PIEZO1: variants seen among roughly 807,000 people sequenced by gnomAD.
PIEZO1 encodes piezo type mechanosensitive ion channel component 1 (Er blood group).
In PIEZO1, 296 loss-of-function variants were observed where a neutral mutation model predicts 297.2. The observed-to-expected ratio is 1.00, with a 90% CI of 0.91 to 1.10. The LOEUF (loss-of-function observed/expected upper bound fraction) is 1.10. Among genes scored for constraint, PIEZO1 ranks in the 50% least tolerant of loss-of-function variants. PIEZO1 has a pLI of 0.00. For synonymous variants in PIEZO1, 2,427 were observed against 1,507.5 expected, an observed-to-expected ratio of 1.61 and a Z score of -14.13; for missense variants, 5,018 against 3,455.5, an observed-to-expected ratio of 1.45 and a Z score of -11.34.
chr16:88,733,558 A>T (rs1905015018), intron 18 of PIEZO1, 30 bp downstream of exon 18: 1 of 1,528,588 alleles, frequency 6.5e-7, no homozygotes, highest in Admixed American at 2.0e-5. Flanking sequence ...CCCACCCCAG[A>T]TGGGAAGCTG....
chr16:88,723,139 C>T lies in PIEZO1; in HGVS notation c.4451G>A (p.Ser1484Asn). 2 of 1,549,158 alleles carry T rather than the reference C, an allele frequency of 1.3e-6. No individual in the cohort carries two copies. Among genetic ancestry groups the T allele is most frequent in the Non-Finnish European group, 8.7e-7 (1 of 1,146,818 alleles). Residue 1484 changes from serine (S) to asparagine (N), a missense_variant, in exon 33 of 51, where the codon AGC becomes AAC. Physicochemically the swap from Ser to Asn is conservative, Grantham distance 46 (BLOSUM62 1). Transcript: ENST00000301015. Reference sequence around the variant, plus strand: ...GCCCTCTGCTGGCTCCACCTCCTGGCTGGGACCACCTCCTGGGCACAGGAT... The same window carrying T: ...GCCCTCTGCTGGCTCCACCTCCTGGTTGGGACCACCTCCTGGGCACAGGAT... ...AGQLPTGGGP[S>N]QEVEPAEGPE...
At chr16:88,767,422 A>T (rs1428660541) in intron 1 of PIEZO1, among the ~76,000 whole-genome samples, 1 of 152,086 alleles carries the variant, frequency 6.6e-6, no homozygotes, top group Non-Finnish European at 1.5e-5. Context: ...GACCAGAATG[A>T]CTGAGGCAGG....
In PIEZO1 at chr16:88,721,174, G is replaced by A. The variant is rs1912410847; in HGVS notation, c.5660C>T (p.Ala1887Val). The A allele has an allele frequency of 4.0e-6, 6 of 1,507,114 alleles. No homozygotes were observed. The highest frequency in any genetic ancestry group is 5.3e-6 in the Non-Finnish European group (6 of 1,128,846). 93.4% of individuals were successfully genotyped at this position (1,507,114 alleles called of 1,614,324 possible). The change falls in exon 39 of 51, where the codon GCA becomes GTA. Residue 1887 changes from alanine to valine, a missense_variant. Ala to Val is a moderately conservative substitution (Grantham distance 64). Coordinates refer to ENST00000301015, the MANE Select transcript of PIEZO1 (RefSeq NM_001142864.4). The stretch of plus-strand genomic sequence containing the variant: ...AGGCAGGGCGCTTATACCGATGGCT[G>A]CCGCTCCTTTCCGTGCTGGGCCCTC... ...KKEGPARKGA[A>V]AIEAEDREEE...
chr16:88,775,462 C>A (rs1907613954), intron 1 of PIEZO1, among the ~76,000 whole-genome samples: 1 of 152,222 alleles, frequency 6.6e-6, no homozygotes, highest in South Asian at 2.1e-4. Flanking sequence ...GGCGCAGTGG[C>A]TCACGCCTGT....
intron 8 of PIEZO1, 53 bp downstream of exon 8, chr16:88,737,881 A>C: frequency 3.9e-6 from 6 of 1,529,316 alleles, no homozygotes; most frequent in Non-Finnish European, 5.3e-6. Flanking sequence ...AGGTCCTGAG[A>C]CCAGCCCCAT....
In PIEZO1 at chr16:88,736,620, A is replaced by G. The variant is rs1905235752; in HGVS notation, c.1296+19T>C. 1 of 1,503,922 alleles carries G rather than the reference A, an allele frequency of 6.6e-7. No individual in the cohort carries two copies. Among genetic ancestry groups the G allele is most frequent in the East Asian group, 2.5e-5 (1 of 39,626 alleles). The allele number at this position is 1,503,922 out of a possible 1,614,324, so 93.2% of individuals were successfully genotyped here. A position where few individuals can be genotyped will look rare whatever the true frequency, so the allele number is the denominator to read the frequency against. On this transcript the variant is annotated intron_variant, in intron 11 of 50. Transcript: ENST00000301015. ...CGCGGCAGAGGGGGCCGCCCACCCC[A>G]ACCCCCACAGCCGCCTACCATCATG...
chr16:88,715,955 G>T lies in PIEZO1; in HGVS notation c.7294C>A (p.Leu2432Ile), dbSNP rs1296306381. ...IFSDKVSPPSLGFLAGYGIMG... is the reference protein window; with the variant it reads ...IFSDKVSPPSIGFLAGYGIMG... ...CACCCGTAGCCAGCCAGGAAGCCGA[G>T]GCTCGGTGGGCTGACCTTGTCACTG... The change falls in exon 50 of 51, where the codon CTC becomes ATC. Residue 2432 changes from leucine to isoleucine, a missense_variant. Leu to Ile is a conservative substitution (Grantham distance 5). Coordinates refer to ENST00000301015, the MANE Select transcript of PIEZO1 (RefSeq NM_001142864.4). 6.5e-7 allele frequency: 1 copy of T among 1,549,628 alleles called. No individual in the cohort carries two copies. Among genetic ancestry groups the T allele is most frequent in the Non-Finnish European group, 8.7e-7 (1 of 1,146,552 alleles).
intron 18 of PIEZO1, 40 bp downstream of exon 18, chr16:88,733,548 C>A: frequency 6.5e-7 from 1 of 1,528,128 alleles, no homozygotes; most frequent in South Asian, 1.2e-5. Context: ...CCAGAGCGAC[C>A]CCACCCCAGA....
chr16:88,776,989 T>G (rs1461914323), intron 1 of PIEZO1, among the ~76,000 whole-genome samples: 2 of 152,210 alleles, frequency 1.3e-5, no homozygotes, highest in South Asian at 4.1e-4. Context: ...TCTTCTTTTT[T>G]GAGATGGAGT....
At chr16:88,741,660 G>A in intron 4 of PIEZO1, 44 bp from the exon 5 acceptor site, 3 of 1,520,948 alleles carry the variant, frequency 2.0e-6, no homozygotes, top group East Asian at 2.5e-5. Context: ...AAGAGGACAG[G>A]TGTGGGTGTG....
chr16:88,738,558 C>T lies in PIEZO1; in HGVS notation c.634+10G>A, dbSNP rs577211308. Reference sequence around the variant, plus strand: ...GTGTGACTGCCAGTGCCCCCTGCCTCGGTGCGTACCTGCCAGTGCAAGCAG... The same window carrying T: ...GTGTGACTGCCAGTGCCCCCTGCCTTGGTGCGTACCTGCCAGTGCAAGCAG... On this transcript the variant is annotated intron_variant, in intron 6 of 50. Transcript: ENST00000301015. 3.9e-5 allele frequency: 59 copies of T among 1,532,092 alleles called. 1 individual carries two copies. Among genetic ancestry groups the T allele is most frequent in the South Asian group, 9.5e-5 (8 of 83,894 alleles). The allele number at this position is 1,532,092 out of a possible 1,614,324, so 94.9% of individuals were successfully genotyped here.
intron 1 of PIEZO1, among the ~76,000 whole-genome samples, chr16:88,769,361 C>T (rs528874965): frequency 4.1e-4 from 63 of 152,236 alleles, no homozygotes; most frequent in Non-Finnish European, 9.0e-4. Context: ...AGCATACTTT[C>T]AATAATTCTG....
intron 9 of PIEZO1, 32 bp downstream of exon 9, chr16:88,737,696 A>C (rs911568960): frequency 6.5e-7 from 1 of 1,533,630 alleles, no homozygotes; most frequent in Non-Finnish European, 8.7e-7. Flanking sequence ...GGCGCCCCCC[A>C]CGCTGGCGTC....
Position 88,735,047 on chromosome 16 carries a change from G to C in PIEZO1, c.1676C>G (p.Thr559Arg), listed in dbSNP as rs1444487780. Residue 559 changes from threonine to arginine, a missense_variant, in exon 14 of 51, where the codon ACG becomes AGG. Thr to Arg is a moderately conservative substitution (Grantham distance 71). Coordinates refer to ENST00000301015, the MANE Select transcript of PIEZO1 (RefSeq NM_001142864.4). ...GCTCTGCAACAGCGTCTGCGTCCGC[G>C]TGGGCTCTGTGGGCCAAGCCAGGGG... ...TEVTVADTEP[T>R]RTQTLLQSLG... 3.2e-5 allele frequency: 50 copies of C among 1,550,202 alleles called. No homozygotes were observed. Among genetic ancestry groups the C allele is most frequent in the Non-Finnish European group, 4.2e-5 (48 of 1,146,914 alleles).
chr16:88,759,673 A>G lies in PIEZO1; in HGVS notation c.65-10194T>C, dbSNP rs559676137. Among the ~76,000 whole-genome samples the G allele has an allele frequency of 8.5e-5, 13 of 152,334 alleles. No homozygotes were observed. In the South Asian group the frequency reaches 2.7e-3, roughly 32 times the overall value. The stretch of plus-strand genomic sequence containing the variant: ...CAGGCAGAGCACAAAAAGCAAACCC[A>G]GACCCAGAGGGGCCATGAGGGCTCA... On this transcript the variant is annotated intron_variant, in intron 1 of 50. Coordinates refer to ENST00000301015, the MANE Select transcript of PIEZO1 (RefSeq NM_001142864.4).
At position 88,741,993 on chromosome 16, in the gene PIEZO1, C is replaced by G. The variant is rs369019520; in HGVS notation, c.326+60G>C. 5 of 1,510,466 alleles carry G rather than the reference C, an allele frequency of 3.3e-6. No homozygotes were observed. In the African/African-American group the frequency reaches 6.9e-5, roughly 21 times the overall value. 93.6% of individuals were successfully genotyped at this position (1,510,466 alleles called of 1,614,324 possible). A position where few individuals can be genotyped will look rare whatever the true frequency, so the allele number is the denominator to read the frequency against. On this transcript the variant is annotated intron_variant, in intron 4 of 50. Coordinates refer to ENST00000301015, the MANE Select transcript of PIEZO1 (RefSeq NM_001142864.4). ...CTGTCCCTCCTGGGTCCCCCCACTT[C>G]CTGGGGCCTGAAATCCCCAAGGGAG...
intron 3 of PIEZO1, 76 bp downstream of exon 3, chr16:88,742,224 A>C: frequency 6.7e-7 from 1 of 1,494,406 alleles, no homozygotes; most frequent in Non-Finnish European, 8.9e-7. Flanking sequence ...CCCCCCCAGG[A>C]GACTCGGGGT....
chr16:88,740,204 C>G (rs1366767611), intron 5 of PIEZO1: 1 of 152,294 alleles, frequency 6.6e-6, no homozygotes, highest in Non-Finnish European at 1.5e-5. Flanking sequence ...GTGAGGGTCG[C>G]CCGGGGGCCC....
intron 1 of PIEZO1, among the ~76,000 whole-genome samples, chr16:88,774,610 G>A (rs1907574094): frequency 6.6e-6 from 1 of 152,156 alleles, no homozygotes; most frequent in Non-Finnish European, 1.5e-5. Flanking sequence ...CTGAGTGGGG[G>A]TCCCAGGAAG....
Sources: gnomAD v4.1 joint callset for allele counts (sites outside exome capture counted in the v4.1 genomes callset) on GRCh38, gnomAD v4.1.1 for gene constraint, MANE v1.5 for transcripts, NCBI Gene and HGNC (gene_info 2026-07-23, HGNC 2026-07-21) for gene names.